The following SVIL variants were observed in gnomAD, a reference collection of about 807,000 sequenced individuals.
The protein encoded by SVIL is supervillin.
In SVIL, 101 loss-of-function variants were observed where a neutral mutation model predicts 240.4. The observed-to-expected ratio is 0.42, with a 90% CI of 0.36 to 0.50. The LOEUF (loss-of-function observed/expected upper bound fraction) is 0.50, where lower values mean the gene tolerates loss of function less well. Ranked by LOEUF, SVIL falls within the 20% of genes least tolerant of loss-of-function variation. The pLI, the probability that SVIL is intolerant of heterozygous loss-of-function variation, is 0.01. For missense variants in SVIL, 2,512 were observed against 2,818.7 expected (o/e 0.89, Z 2.46); for synonymous variants, 999 against 1,100.0 (o/e 0.91, Z 1.82).
At chr10:29,595,096 A>G (rs1956534107) in intron 1 of SVIL, among the ~76,000 whole-genome samples, 1 of 152,200 alleles carries the variant, frequency 6.6e-6, no homozygotes, top group African/African-American at 2.4e-5. Context: ...CCACAGTCCA[A>G]GCTAGACTGG....
chr10:29,568,589 A>G (rs921118803), intron 2 of SVIL, among the ~76,000 whole-genome samples: 2 of 152,256 alleles, frequency 1.3e-5, no homozygotes, highest in African/African-American at 4.8e-5. Context: ...CACCTGAGAT[A>G]CAGCTACTGT....
At chr10:29,660,627 T>A (rs1959129597) in intron 2 of SVIL, among the ~76,000 whole-genome samples, 1 of 151,906 alleles carries the variant, frequency 6.6e-6, no homozygotes, top group Non-Finnish European at 1.5e-5. Flanking sequence ...GCCAAGAGAA[T>A]CACAAGAAGC....
upstream of SVIL, among the ~76,000 whole-genome samples, chr10:29,637,247 G>C (rs1958341015): frequency 6.6e-6 from 1 of 152,210 alleles, no homozygotes; most frequent in African/African-American, 2.4e-5. Flanking sequence ...CACTTTGGTA[G>C]GCCGAGGCGG....
At chr10:29,519,307 T>A (rs573493258) in intron 16 of SVIL, among the ~76,000 whole-genome samples, 2 of 152,024 alleles carry the variant, frequency 1.3e-5, no homozygotes, top group African/African-American at 4.8e-5. Flanking sequence ...CAGGGGAGAG[T>A]TGGAGACGTG....
intron 30 of SVIL, 120 bp from the exon 31 acceptor site, chr10:29,471,363 C>T (rs1945560735): frequency 1.4e-6 from 1 of 731,384 alleles, no homozygotes; most frequent in African/African-American, 1.8e-5. Context: ...AAAGCCATTG[C>T]TAACACTACC....
chr10:29,460,374 G>A (rs916969270), intron 36 of SVIL, among the ~76,000 whole-genome samples: 2 of 152,108 alleles, frequency 1.3e-5, no homozygotes, highest in Non-Finnish European at 2.9e-5. Flanking sequence ...TCTCCGGCTG[G>A]AATCCCACAG....
rs540510577 is a variant in SVIL, at chr10:29,480,150, C to G, written c.5377+387G>C. On this transcript the variant is annotated intron_variant, in intron 29 of 37. Transcript: ENST00000355867. ...GCACCATTTGGTTCCAGCTTTAAAT[C>G]ACGAAGATATGCTGTACTTAACGAC... is the stretch of plus-strand genomic sequence containing the variant. Among the ~76,000 whole-genome samples the G allele has an allele frequency of 3.0e-4, 45 of 152,246 alleles. No individual in the cohort carries two copies. In the South Asian group the frequency reaches 9.3e-3, roughly 32 times the overall value.
At position 29,530,709 on chromosome 10, in the gene SVIL, A is replaced by C. The variant is rs767188431; in HGVS notation, c.2045-41T>G. The C allele has an allele frequency of 2.5e-6, 4 of 1,612,454 alleles. No individual in the cohort carries two copies. In the African/African-American group the frequency reaches 5.3e-5, roughly 22 times the overall value. On this transcript the variant is annotated intron_variant, in intron 10 of 37. Coordinates refer to ENST00000355867, the MANE Select transcript of SVIL (RefSeq NM_021738.3). The stretch of plus-strand genomic sequence containing the variant: ...AATTAAAAACTGGACATCATTAGAG[A>C]AGGTTAAGTTCGGTCTCCAAAAAGT...
intron 1 of SVIL, among the ~76,000 whole-genome samples, chr10:29,713,562 A>G (rs929431760): frequency 6.6e-6 from 1 of 152,134 alleles, no homozygotes; most frequent in Non-Finnish European, 1.5e-5. Flanking sequence ...ACCAGATGGT[A>G]AATATATTTT....
chr10:29,553,993 A>G (rs1403249848), intron 5 of SVIL, among the ~76,000 whole-genome samples: 1 of 152,136 alleles, frequency 6.6e-6, no homozygotes, highest in Non-Finnish European at 1.5e-5. Context: ...GAAGAAAGAC[A>G]CAGCTTCTGC....
chr10:29,464,261 AC>A (rs774332718), intron 34 of SVIL, among the ~76,000 whole-genome samples: 8 of 150,934 alleles, frequency 5.3e-5, no homozygotes, highest in Non-Finnish European at 1.0e-4. Context: ...ACATGATGAG[AC>A]CCTATCTCTA....
At chr10:29,464,466 A>G (rs1372303639) in intron 34 of SVIL, among the ~76,000 whole-genome samples, 1 of 151,980 alleles carries the variant, frequency 6.6e-6, no homozygotes, top group African/African-American at 2.4e-5. Flanking sequence ...GGAAATAAAA[A>G]TCAAAACTGT....
chr10:29,698,981 T>G (rs905272585), intron 1 of SVIL, among the ~76,000 whole-genome samples: 9 of 152,178 alleles, frequency 5.9e-5, no homozygotes, highest in African/African-American at 2.2e-4. Flanking sequence ...CCTCATCGAA[T>G]GACACTATAA....
intron 1 of SVIL, among the ~76,000 whole-genome samples, chr10:29,607,157 T>C (rs765618095): frequency 6.6e-6 from 1 of 152,254 alleles, no homozygotes; most frequent in African/African-American, 2.4e-5. Flanking sequence ...CCATTATGTT[T>C]ATTGGGCAAT....
chr10:29,579,696 G>A (rs1488371431), intron 1 of SVIL, among the ~76,000 whole-genome samples: 2 of 152,142 alleles, frequency 1.3e-5, no homozygotes, highest in Non-Finnish European at 2.9e-5. Flanking sequence ...ACTTGTTCTG[G>A]CTGATGACAC....
intron 1 of SVIL, among the ~76,000 whole-genome samples, chr10:29,690,170 T>A (rs1961395111): frequency 6.6e-6 from 1 of 152,248 alleles, no homozygotes; most frequent in Non-Finnish European, 1.5e-5. Context: ...CGCCTCATTT[T>A]ATACAAAAAA....
chr10:29,576,527 C>T (rs1259306067), intron 1 of SVIL, among the ~76,000 whole-genome samples: 9 of 152,296 alleles, frequency 5.9e-5, no homozygotes, highest in African/African-American at 1.9e-4. Context: ...CTGATATATA[C>T]ATACCCCATC....
At chr10:29,639,877 T>C (rs960624297), upstream of SVIL, among the ~76,000 whole-genome samples, 1 of 152,102 alleles carries the variant, frequency 6.6e-6, no homozygotes, top group African/African-American at 2.4e-5. Context: ...TTCCATAACA[T>C]AAAACCTAGA....
chr10:29,609,697 C>A (rs1700134703), intron 1 of SVIL, among the ~76,000 whole-genome samples: 1 of 152,228 alleles, frequency 6.6e-6, no homozygotes, highest in African/African-American at 2.4e-5. Context: ...CCACTTGTGG[C>A]ACATCTGGTC....
Sources: gnomAD v4.1 joint callset for allele counts (sites outside exome capture counted in the v4.1 genomes callset) on GRCh38, gnomAD v4.1.1 for gene constraint, MANE v1.5 for transcripts, NCBI Gene and HGNC (gene_info 2026-07-23, HGNC 2026-07-21) for gene names.